The following MYO10 variants were observed in gnomAD, a reference collection of about 807,000 sequenced individuals.
The protein encoded by MYO10 is myosin X.
Under a neutral mutation model 257.3 loss-of-function variants are expected in MYO10, and 133 were observed. That is an observed-to-expected ratio of 0.52 (90% confidence interval 0.45 to 0.60). The LOEUF (loss-of-function observed/expected upper bound fraction) is 0.60. Among genes scored for constraint, MYO10 ranks in the 20% least tolerant of loss-of-function variants. MYO10 has a pLI of 0.00. For synonymous variants in MYO10, 1,104 were observed against 1,028.6 expected (o/e 1.07, Z -1.40); for missense variants, 2,399 against 2,635.7 (o/e 0.91, Z 1.97).
intron 1 of MYO10, among the ~76,000 whole-genome samples, chr5:16,881,794 C>T (rs2126765627): frequency 6.6e-6 from 1 of 152,210 alleles, no homozygotes; most frequent in Middle Eastern, 3.4e-3. Flanking sequence ...CATTTGAAAA[C>T]AAAGTCACAG....
intron 4 of MYO10, among the ~76,000 whole-genome samples, chr5:16,785,741 A>G (rs1037452555): frequency 2.0e-5 from 3 of 151,934 alleles, no homozygotes; most frequent in African/African-American, 4.8e-5. Context: ...GTGGTGGCGC[A>G]CGTCTGTAAT....
intron 25 of MYO10, among the ~76,000 whole-genome samples, chr5:16,699,804 AAAAG>A (rs1268107763): frequency 1.4e-5 from 2 of 146,056 alleles, no homozygotes; most frequent in African/African-American, 5.5e-5. Flanking sequence ...AAAAAAAAAA[AAAAG>A]GGAAAAGGAA....
At chr5:16,907,985 C>A (rs1490748992) in intron 1 of MYO10, among the ~76,000 whole-genome samples, 3 of 152,232 alleles carry the variant, frequency 2.0e-5, no homozygotes, top group Non-Finnish European at 2.9e-5. Flanking sequence ...GTAATCCCAA[C>A]ACTTTGGGAG....
chr5:16,674,580 TA>T (rs1371417455), intron 35 of MYO10, among the ~76,000 whole-genome samples: 2 of 141,752 alleles, frequency 1.4e-5, no homozygotes, highest in Admixed American at 7.1e-5. Flanking sequence ...TTTTTTTTTT[TA>T]AATATAGAGC....
At chr5:16,684,228 C>T (rs1737139476) in intron 29 of MYO10, among the ~76,000 whole-genome samples, 1 of 152,114 alleles carries the variant, frequency 6.6e-6, no homozygotes, top group African/African-American at 2.4e-5. Flanking sequence ...AAGTTTTCTA[C>T]AAGTACCTCT....
intron 21 of MYO10, among the ~76,000 whole-genome samples, chr5:16,705,713 T>C (rs1026962665): frequency 6.6e-6 from 1 of 152,206 alleles, no homozygotes; most frequent in Non-Finnish European, 1.5e-5. Flanking sequence ...TTCTCTGCTC[T>C]GTGTCCTCCA....
intron 28 of MYO10, among the ~76,000 whole-genome samples, chr5:16,688,573 T>C (rs1737350744): frequency 6.6e-6 from 1 of 151,916 alleles, no homozygotes; most frequent in Non-Finnish European, 1.5e-5. Flanking sequence ...AAACCCCATC[T>C]CTATAAAAAA....
intron 21 of MYO10, among the ~76,000 whole-genome samples, chr5:16,708,463 G>A (rs1738445359): frequency 6.6e-6 from 1 of 152,162 alleles, no homozygotes; most frequent in African/African-American, 2.4e-5. Flanking sequence ...ATTAGTACTT[G>A]GAGCCCAGAA....
At chr5:16,873,494 G>C (rs1744504267) in intron 2 of MYO10, among the ~76,000 whole-genome samples, 1 of 152,206 alleles carries the variant, frequency 6.6e-6, no homozygotes, top group Non-Finnish European at 1.5e-5. Flanking sequence ...CTGGAGGACA[G>C]TGGCCCTCTT....
intron 9 of MYO10, among the ~76,000 whole-genome samples, chr5:16,770,695 G>A (rs182412710): frequency 3.3e-5 from 5 of 152,332 alleles, no homozygotes; most frequent in Admixed American, 1.3e-4. Flanking sequence ...ACCACGCACC[G>A]CTCTGAAGCA....
rs574051055 is a variant in MYO10 at position 16,671,644 on chromosome 5, T to C, written c.5310-102A>G. 8 of 1,414,172 alleles carry C rather than the reference T, an allele frequency of 5.7e-6. No individual in the cohort carries two copies. The African/African-American group carries it at 1.1e-4, about 20-fold the overall frequency. 87.6% of individuals were successfully genotyped at this position (1,414,172 alleles called of 1,614,324 possible). A position where few individuals can be genotyped will look rare whatever the true frequency, so the allele number is the denominator to read the frequency against. On this transcript the variant is annotated intron_variant, in intron 37 of 40. Coordinates refer to ENST00000513610, the MANE Select transcript of MYO10 (RefSeq NM_012334.3). ...ATGGTGTATTCTAAGGACACAGACATTCTGTCCGGGCCCAGAAAACAGTGG... is the reference window on the plus strand; with the variant it reads ...ATGGTGTATTCTAAGGACACAGACACTCTGTCCGGGCCCAGAAAACAGTGG...
intron 1 of MYO10, among the ~76,000 whole-genome samples, chr5:16,912,684 C>A (rs180960753): frequency 1.3e-5 from 2 of 152,060 alleles, no homozygotes; most frequent in African/African-American, 4.8e-5. Flanking sequence ...TTAATTCTGA[C>A]CAAATGGCAG....
chr5:16,772,890 A>G (rs1045805880), intron 9 of MYO10, among the ~76,000 whole-genome samples: 3 of 152,186 alleles, frequency 2.0e-5, no homozygotes, highest in Non-Finnish European at 4.4e-5. Context: ...ACTAAATTAG[A>G]TCAGTAGTTT....
At chr5:16,739,350 G>A (rs968616785) in intron 19 of MYO10, among the ~76,000 whole-genome samples, 4 of 151,770 alleles carry the variant, frequency 2.6e-5, no homozygotes, top group Non-Finnish European at 4.4e-5. Flanking sequence ...TTTTTTACTC[G>A]TTTTTCTACT....
intron 26 of MYO10, among the ~76,000 whole-genome samples, chr5:16,695,277 T>A (rs1351841539): frequency 1.3e-5 from 2 of 152,168 alleles, no homozygotes; most frequent in African/African-American, 4.8e-5. Flanking sequence ...GAGGTTGCAG[T>A]GAGCAGAGAT....
In MYO10 at chr5:16,703,038, G is replaced by C; in HGVS notation, c.2397C>G (p.Leu799=). The C allele has an allele frequency of 6.4e-7, 1 of 1,554,256 alleles. No individual in the cohort carries two copies. The highest frequency in any genetic ancestry group is 8.7e-7 in the Non-Finnish European group (1 of 1,147,868). ...AAACTCTCCGAGCAATCTGACCTCT[G>C]AGTTGCTTCTGGAAAACTATGGCTG... is the stretch of plus-strand genomic sequence containing the variant. The part of the protein sequence containing the change: ...KKAAIVFQKQ[L]RGQIARRVYR... The change falls in exon 23 of 41, where the codon CTC becomes CTG. Residue 799 remains leucine (L), a synonymous_variant. Transcript: ENST00000513610.
chr5:16,836,102 A>G (rs1052255437), intron 2 of MYO10, among the ~76,000 whole-genome samples: 6 of 152,210 alleles, frequency 3.9e-5, no homozygotes, highest in Non-Finnish European at 8.8e-5. Flanking sequence ...AGTTTAGGAG[A>G]GATAGGGGCA....
In MYO10 at chr5:16,924,475, G is replaced by A. The variant is rs546066074; in HGVS notation, c.21+11313C>T. On this transcript the variant is annotated intron_variant, in intron 1 of 40. Transcript: ENST00000513610. ...TGACACCTCTCATGAAACTTCCACT[G>A]CCAAATAATCCAAATAAGAATCTGC... Among the ~76,000 whole-genome samples the A allele has an allele frequency of 2.0e-5, 3 of 152,186 alleles. No homozygotes were observed. The South Asian group carries it at 6.2e-4, about 32-fold the overall frequency.
At chr5:16,709,273 C>G (rs971363037) in intron 21 of MYO10, among the ~76,000 whole-genome samples, 10 of 152,146 alleles carry the variant, frequency 6.6e-5, no homozygotes, top group African/African-American at 2.4e-4. Flanking sequence ...GAGTAAGATT[C>G]CAGGCAGAGA....
Sources: gnomAD v4.1 joint callset for allele counts (sites outside exome capture counted in the v4.1 genomes callset) on GRCh38, gnomAD v4.1.1 for gene constraint, MANE v1.5 for transcripts, NCBI Gene and HGNC (gene_info 2026-07-23, HGNC 2026-07-21) for gene names.